Variants in HFM1 observed in about 807,000 individuals in gnomAD.
The protein encoded by HFM1 is helicase for meiosis 1.
HFM1 carries 169 observed loss-of-function variants against 192.1 expected under a neutral mutation model. That is an observed-to-expected ratio of 0.88 (90% CI 0.78 to 1.00). The LOEUF (loss-of-function observed/expected upper bound fraction) is 1.00, where lower values mean the gene tolerates loss of function less well. Ranked by LOEUF, HFM1 falls within the 50% of genes least tolerant of loss-of-function variation. The pLI, the probability that HFM1 is intolerant of heterozygous loss-of-function variation, is 0.00. For missense variants in HFM1, 1,661 were observed against 1,668.0 expected (o/e 1.00, Z 0.07); for synonymous variants, 525 against 537.8 (o/e 0.98, Z 0.33).
chr1:91,289,641 C>T (rs1191983141), intron 30 of HFM1, among the ~76,000 whole-genome samples: 1 of 152,190 alleles, frequency 6.6e-6, no homozygotes, highest in East Asian at 1.9e-4. Flanking sequence ...TGGCAGAACA[C>T]TCGCAGTCAG....
Position 91,316,110 on chromosome 1 carries a change from T to G in HFM1, c.2973A>C (p.Lys991Asn), listed in dbSNP as rs1223399649. Residue 991 changes from lysine to asparagine, a missense_variant, in exon 27 of 39, where the codon AAA becomes AAC. Lys to Asn is a moderately conservative substitution (Grantham distance 94, BLOSUM62 0). Transcript: ENST00000370425. ...TVMYLPKYEL[K>N]VEQITRYSDT... ...AACAGAAAATATTTACCTGTTCCACTTTAAGTTCATATTTTGGTAGATACA... is the reference window on the plus strand; with the variant it reads ...AACAGAAAATATTTACCTGTTCCACGTTAAGTTCATATTTTGGTAGATACA... 8 of 1,581,732 alleles carry G rather than the reference T, an allele frequency of 5.1e-6. No homozygotes were observed. Among genetic ancestry groups the G allele is most frequent in the Non-Finnish European group, 6.9e-6 (8 of 1,155,266 alleles).
chr1:91,302,766 A>T (rs1048804208), intron 30 of HFM1, among the ~76,000 whole-genome samples: 1 of 113,734 alleles, frequency 8.8e-6, no homozygotes, highest in Non-Finnish European at 1.6e-5. Flanking sequence ...GGAACATCAC[A>T]CTCTGGGGCC....
At chr1:91,329,477 G>A in intron 20 of HFM1, 1 of 1,563,066 alleles carries the variant, frequency 6.4e-7, no homozygotes, top group Non-Finnish European at 8.7e-7. Flanking sequence ...CTAAGAAGAA[G>A]GCAAAGACTG....
intron 4 of HFM1, among the ~76,000 whole-genome samples, chr1:91,389,481 G>A (rs1396493009): frequency 1.3e-5 from 2 of 152,034 alleles, no homozygotes; most frequent in Admixed American, 1.3e-4. Context: ...GAGGTCATGA[G>A]GGTACCTCCC....
intron 13 of HFM1, among the ~76,000 whole-genome samples, chr1:91,357,636 T>C (rs1261539368): frequency 1.3e-5 from 2 of 151,930 alleles, no homozygotes; most frequent in Non-Finnish European, 2.9e-5. Flanking sequence ...ATAAAAGGAA[T>C]TCAAATTTGA....
chr1:91,392,729 T>A (rs1663162335), intron 4 of HFM1, among the ~76,000 whole-genome samples: 2 of 152,090 alleles, frequency 1.3e-5, no homozygotes, highest in Non-Finnish European at 2.9e-5. Flanking sequence ...AGGTACTCTA[T>A]AACTTGAAGT....
At chr1:91,397,099 C>T (rs914056259) in intron 2 of HFM1, among the ~76,000 whole-genome samples, 5 of 152,194 alleles carry the variant, frequency 3.3e-5, no homozygotes, top group Admixed American at 3.3e-4. Context: ...GAAAAACTGT[C>T]CACAAATTCA....
At chr1:91,375,844 G>T in intron 11 of HFM1, 117 bp from the exon 12 acceptor site, 1 of 739,478 alleles carries the variant, frequency 1.4e-6, no homozygotes, top group Non-Finnish European at 2.3e-6. Flanking sequence ...AATCAAGTAT[G>T]CTGTCTTTTT....
intron 13 of HFM1, among the ~76,000 whole-genome samples, chr1:91,363,341 AAAAC>A (rs143467254): frequency 1 from 151,458 of 151,664 alleles, 75,626 homozygotes; most frequent in Non-Finnish European, 1. Flanking sequence ...TACAAGAAAA[AAAAC>A]AAACAACCCC....
chr1:91,276,574 A>C (rs940877546), intron 32 of HFM1, 54 bp downstream of exon 32: 1 of 828,126 alleles, frequency 1.2e-6, no homozygotes, highest in African/African-American at 1.8e-5. Flanking sequence ...AGAACAAAGA[A>C]TATTTATATA....
chr1:91,291,271 T>C (rs1668715977), intron 30 of HFM1, among the ~76,000 whole-genome samples: 2 of 152,268 alleles, frequency 1.3e-5, no homozygotes, highest in Admixed American at 1.3e-4. Context: ...GAGCTGGTTT[T>C]TTGAAAGGAT....
intron 13 of HFM1, among the ~76,000 whole-genome samples, chr1:91,364,923 G>A (rs1325535493): frequency 1.3e-5 from 2 of 151,592 alleles, no homozygotes; most frequent in African/African-American, 2.4e-5. Context: ...GTGAGCCACC[G>A]CGCCTGGTGT....
At chr1:91,364,632 A>ATTTTTTTTTTTTT (rs61550398) in intron 13 of HFM1, among the ~76,000 whole-genome samples, 2 of 66,816 alleles carry the variant, frequency 3.0e-5, no homozygotes, top group African/African-American at 1.3e-4. Flanking sequence ...ATATATATAT[A>ATTTTTTTTTTTTT]TTTTTTTTTT....
rs1232849479 is a variant in HFM1 at position 91,378,266 on chromosome 1, T to C, written c.1237-83A>G. On this transcript the variant is annotated intron_variant, in intron 10 of 38. Coordinates refer to ENST00000370425, the MANE Select transcript of HFM1 (RefSeq NM_001017975.6). ...ATTAAAATATTCAATAATATTAACA[T>C]TCTTGCTTGAGAAAATGAGCATTTT... 27 of 1,281,384 alleles carry C rather than the reference T, an allele frequency of 2.1e-5. No individual in the cohort carries two copies. The East Asian group carries it at 3.6e-4, about 17-fold the overall frequency. 79.4% of individuals were successfully genotyped at this position (1,281,384 alleles called of 1,614,324 possible).
chr1:91,303,828 A>G (rs1221161092), intron 30 of HFM1, among the ~76,000 whole-genome samples: 2 of 152,146 alleles, frequency 1.3e-5, no homozygotes, highest in Non-Finnish European at 2.9e-5. Context: ...ATGTCTATGC[A>G]GATCCCTTGA....
intron 23 of HFM1, among the ~76,000 whole-genome samples, chr1:91,322,555 G>A (rs1252225427): frequency 2.0e-5 from 3 of 151,986 alleles, no homozygotes; most frequent in African/African-American, 4.8e-5. Flanking sequence ...ACATATACAC[G>A]CCTTTACTCA....
At chr1:91,288,984 G>A (rs1404703074) in intron 30 of HFM1, among the ~76,000 whole-genome samples, 2 of 149,374 alleles carry the variant, frequency 1.3e-5, no homozygotes, top group African/African-American at 4.9e-5. Context: ...TCCCGGACGG[G>A]GCGGCTGGTC....
At chr1:91,398,224 T>C (rs570656285) in intron 2 of HFM1, among the ~76,000 whole-genome samples, 10 of 152,344 alleles carry the variant, frequency 6.6e-5, no homozygotes, top group Non-Finnish European at 1.2e-4. Flanking sequence ...TGTACTATTC[T>C]GCCTCTTAAT....
chr1:91,350,971 A>G (rs1438333221), intron 17 of HFM1, 100 bp from the exon 18 acceptor site: 1 of 883,286 alleles, frequency 1.1e-6, no homozygotes, highest in African/African-American at 1.7e-5. Context: ...CTACTTTACT[A>G]ATTCATGAAA....
Sources: gnomAD v4.1 joint callset for allele counts (sites outside exome capture counted in the v4.1 genomes callset) on GRCh38, gnomAD v4.1.1 for gene constraint, MANE v1.5 for transcripts, NCBI Gene and HGNC (gene_info 2026-07-23, HGNC 2026-07-21) for gene names.